The following OXNAD1 variants were observed in gnomAD, a reference collection of about 807,000 sequenced individuals.
The protein encoded by OXNAD1 is oxidoreductase NAD-binding domain-containing protein 1.
A neutral mutation model predicts 32.9 loss-of-function variants in OXNAD1; 34 were observed. That is an observed-to-expected ratio of 1.03 (90% CI 0.79 to 1.38). The LOEUF is 1.38. Ranked by LOEUF, OXNAD1 falls within the 40% of genes most tolerant of loss-of-function variation. The probability of loss-of-function intolerance (pLI) is 0.00; values close to 1 mark genes in which losing one functional copy is unlikely to be tolerated. For synonymous variants in OXNAD1, 134 were observed against 135.2 expected, an observed-to-expected ratio of 0.99 and a Z score of 0.06; for missense variants, 407 against 379.4, an observed-to-expected ratio of 1.07 and a Z score of -0.60.
rs2064924626 is a variant in OXNAD1 at position 16,271,345 on chromosome 3, AG to A, written c.119+276del. ...TAGCCTCCCGAGTAGCTGGGATTAC[AG>A]GCGTGCACCACCACACCTAGCTAAT... is the stretch of plus-strand genomic sequence containing the variant. On this transcript the variant is annotated intron_variant, in intron 3 of 8. Transcript: ENST00000285083. The surrounding 1 kb of genome is among the most constrained non-coding windows in gnomAD (Gnocchi z 4.6). 1.9e-6 allele frequency: 1 copy of A among 531,798 alleles called. No individual in the cohort carries two copies. The highest frequency in any genetic ancestry group is 1.9e-5 in the African/African-American group (1 of 51,472). The allele number at this position is 531,798 out of a possible 1,614,324, so 32.9% of individuals were successfully genotyped here. A position where few individuals can be genotyped will look rare whatever the true frequency, so the allele number is the denominator to read the frequency against.
At chr3:16,310,298 G>A (rs554476980), downstream of OXNAD1, among the ~76,000 whole-genome samples, 1 of 150,728 alleles carries the variant, frequency 6.6e-6, no homozygotes, top group African/African-American at 2.4e-5. Flanking sequence ...TGATTCTCTT[G>A]TTTTTTTTTC....
chr3:16,339,206 CA>C (rs759840630), downstream of OXNAD1: 18 of 152,378 alleles, frequency 1.2e-4, 1 homozygote, highest in Admixed American at 6.5e-4. Flanking sequence ...CATGCTGGAG[CA>C]ATCACAGTTG....
chr3:16,322,336 G>A lies in OXNAD1; in HGVS notation c.*31-14776G>A, dbSNP rs2069160788. On this transcript the variant is annotated intron_variant, in intron 9 of 9. Coordinates refer to the OXNAD1 transcript ENST00000435829. This position sits in a 1 kb window ranked among gnomAD's most constrained non-coding sequence, Gnocchi z 6.2. ...CTCCTTCCACAAGTGGGCTCCCCCT[G>A]GAGTTGTTGGCTGGTGAGGGGCTGC... Among the ~76,000 whole-genome samples the A allele has an allele frequency of 6.6e-6, 1 of 152,214 alleles. No homozygotes were observed.
Position 16,271,173 on chromosome 3 carries a change from C to A in OXNAD1, c.119+102C>A. 1.5e-6 allele frequency: 2 copies of A among 1,365,380 alleles called. No homozygotes were observed. Among genetic ancestry groups the A allele is most frequent in the Non-Finnish European group, 2.0e-6 (2 of 993,546 alleles). The allele number at this position is 1,365,380 out of a possible 1,614,324, so 84.6% of individuals were successfully genotyped here. A position where few individuals can be genotyped will look rare whatever the true frequency, so the allele number is the denominator to read the frequency against. Reference sequence around the variant, plus strand: ...TATCAAACTCCCGGAAAGGTAACACCTTAGCTTCAATGTGCATGCTGTCAG... The same window carrying A: ...TATCAAACTCCCGGAAAGGTAACACATTAGCTTCAATGTGCATGCTGTCAG... On this transcript the variant is annotated intron_variant, in intron 3 of 8. Coordinates refer to ENST00000285083, the MANE Select transcript of OXNAD1 (RefSeq NM_138381.5). This position sits in a 1 kb window ranked among gnomAD's most constrained non-coding sequence, Gnocchi z 4.6.
chr3:16,273,210 A>G (rs924237837), intron 4 of OXNAD1, among the ~76,000 whole-genome samples: 1 of 152,182 alleles, frequency 6.6e-6, no homozygotes, highest in Non-Finnish European at 1.5e-5. Flanking sequence ...AGCATTTACA[A>G]ACAATTAGTA....
In OXNAD1 at chr3:16,342,485, A is replaced by G. The variant is rs941599168; in HGVS notation, c.*31-6691A>G. 1.3e-5 allele frequency among the ~76,000 whole-genome samples: 2 copies of G among 152,230 alleles called. No individual in the cohort carries two copies. The highest frequency in any genetic ancestry group is 1.5e-5 in the Non-Finnish European group (1 of 68,046). ...TTTGGACATTACAAATAAAGCTGCC[A>G]TCAACATTAATGTACATAGGTCTTT... On this transcript the variant is annotated intron_variant, in intron 9 of 9. Coordinates refer to the OXNAD1 transcript ENST00000606098. The surrounding 1 kb of genome is among the most constrained non-coding windows in gnomAD (Gnocchi z 4.0).
Position 16,265,842 on chromosome 3 carries a change from C to T in OXNAD1, c.-159+337C>T. On this transcript the variant is annotated intron_variant, in intron 1 of 8. Coordinates refer to ENST00000285083, the MANE Select transcript of OXNAD1 (RefSeq NM_138381.5). The surrounding 1 kb of genome is among the most constrained non-coding windows in gnomAD (Gnocchi z 4.8). ...GAAGAGCTTGTCTGTCTCCAAAGCC[C>T]AGGAACAAATTACTTATGTGAGTAC... is the stretch of plus-strand genomic sequence containing the variant. The T allele has an allele frequency of 4.1e-6, 4 of 984,416 alleles. No individual in the cohort carries two copies. Among genetic ancestry groups the T allele is most frequent in the Non-Finnish European group, 4.8e-6 (4 of 829,080 alleles). 61.0% of individuals were successfully genotyped at this position (984,416 alleles called of 1,614,324 possible).
rs1169852964 is a variant in OXNAD1 at position 16,322,191 on chromosome 3, G to C, written c.*31-14921G>C. On this transcript the variant is annotated intron_variant, in intron 9 of 9. Transcript: ENST00000435829. This position sits in a 1 kb window ranked among gnomAD's most constrained non-coding sequence, Gnocchi z 6.2. ...GCCTGCTCCTGGTGGTTGATGGTGG[G>C]CTGGCAGTTCCCTTCTGGTCCATTG... Among the ~76,000 whole-genome samples, 1 of 152,198 alleles carries C rather than the reference G, an allele frequency of 6.6e-6. No individual in the cohort carries two copies. Among genetic ancestry groups the C allele is most frequent in the African/African-American group, 2.4e-5 (1 of 41,450 alleles).
At chr3:16,296,984 T>A (rs2066845549) in intron 6 of OXNAD1, among the ~76,000 whole-genome samples, 2 of 152,156 alleles carry the variant, frequency 1.3e-5, no homozygotes, top group African/African-American at 4.8e-5. Context: ...AAAAAAAGGT[T>A]GATGATAGGA....
In OXNAD1 at chr3:16,265,425, CGA is replaced by C; in HGVS notation, c.-238_-237del. 6.5e-6 allele frequency: 1 copy of C among 154,208 alleles called. No individual in the cohort carries two copies. The highest frequency in any genetic ancestry group is 1.5e-5 in the Non-Finnish European group (1 of 68,898). The allele number at this position is 154,208 out of a possible 1,614,324, so 9.6% of individuals were successfully genotyped here. ...CTCGACCTCCCTTCCTGGTGACGGA[CGA>C]ACAGTTCCCGTAGAATTTCGCTTCA... On this transcript the variant is annotated 5_prime_UTR_variant, in exon 1 of 9. Transcript: ENST00000285083. The surrounding 1 kb of genome is among the most constrained non-coding windows in gnomAD (Gnocchi z 4.8).
In OXNAD1 at chr3:16,327,355, C is replaced by G. The variant is rs1288976067; in HGVS notation, c.*31-9757C>G. On this transcript the variant is annotated intron_variant, in intron 9 of 9. Transcript: ENST00000435829. The surrounding 1 kb of genome is among the most constrained non-coding windows in gnomAD (Gnocchi z 4.2). Reference sequence around the variant, plus strand: ...GCACATCCACATGTGTGTGTACACGCAGAAGCTGCTTTGCCTGTGTTATGT... The same window carrying G: ...GCACATCCACATGTGTGTGTACACGGAGAAGCTGCTTTGCCTGTGTTATGT... Among the ~76,000 whole-genome samples, 1 of 152,198 alleles carries G rather than the reference C, an allele frequency of 6.6e-6. No individual in the cohort carries two copies. The highest frequency in any genetic ancestry group is 1.5e-5 in the Non-Finnish European group (1 of 68,040).
downstream of OXNAD1, among the ~76,000 whole-genome samples, chr3:16,307,308 A>G (rs1292836605): frequency 1.3e-5 from 2 of 152,204 alleles, no homozygotes; most frequent in South Asian, 2.1e-4. Flanking sequence ...TTCACACTCA[A>G]TCATGATGGT....
At chr3:16,300,407 G>T (rs1438046008) in intron 6 of OXNAD1, among the ~76,000 whole-genome samples, 1 of 152,244 alleles carries the variant, frequency 6.6e-6, no homozygotes, top group African/African-American at 2.4e-5. Context: ...AAGATGTGTT[G>T]TGTGGGTGAC....
At chr3:16,286,083 A>C (rs55721065) in intron 4 of OXNAD1, among the ~76,000 whole-genome samples, 1,681 of 152,310 alleles carry the variant, frequency 0.011, 26 homozygotes, top group African/African-American at 0.039. Flanking sequence ...TGCCGGTTAA[A>C]AGATCCCTTG....
chr3:16,339,654 T>C (rs904967286), downstream of OXNAD1: 1 of 152,160 alleles, frequency 6.6e-6, no homozygotes, highest in Non-Finnish European at 1.5e-5. Flanking sequence ...CCAATCCTAT[T>C]TGGGGTCCTC....
rs2066222234 is a variant in OXNAD1 at position 16,288,537 on chromosome 3, C to G, written c.290+2089C>G. Among the ~76,000 whole-genome samples, 1 of 152,182 alleles carries G rather than the reference C, an allele frequency of 6.6e-6. No individual in the cohort carries two copies. The highest frequency in any genetic ancestry group is 2.4e-5 in the African/African-American group (1 of 41,450). On this transcript the variant is annotated intron_variant, in intron 5 of 8. Coordinates refer to ENST00000285083, the MANE Select transcript of OXNAD1 (RefSeq NM_138381.5). This position sits in a 1 kb window ranked among gnomAD's most constrained non-coding sequence, Gnocchi z 5.1. ...CAGATCCCCATGTAGACACCTTCAG[C>G]ATAGATCAGATATAGGCCTCAAGGG...
At chr3:16,293,997 A>T (rs1249376547) in intron 5 of OXNAD1, among the ~76,000 whole-genome samples, 1 of 152,112 alleles carries the variant, frequency 6.6e-6, no homozygotes. Flanking sequence ...TATTCCTGGA[A>T]TTTTTGTACC....
In OXNAD1 at chr3:16,271,155, C is replaced by T; in HGVS notation, c.119+84C>T. 1 of 1,499,176 alleles carries T rather than the reference C, an allele frequency of 6.7e-7. No homozygotes were observed. The highest frequency in any genetic ancestry group is 9.1e-7 in the Non-Finnish European group (1 of 1,099,300). 92.9% of individuals were successfully genotyped at this position (1,499,176 alleles called of 1,614,324 possible). A position where few individuals can be genotyped will look rare whatever the true frequency, so the allele number is the denominator to read the frequency against. ...TGATGGTTGTGGGAGGCATATCAAA[C>T]TCCCGGAAAGGTAACACCTTAGCTT... On this transcript the variant is annotated intron_variant, in intron 3 of 8. Transcript: ENST00000285083. The surrounding 1 kb of genome is among the most constrained non-coding windows in gnomAD (Gnocchi z 4.6).
At position 16,280,940 on chromosome 3, in the gene OXNAD1, T is replaced by A. The variant is rs111299586; in HGVS notation, c.184-5402T>A. The stretch of plus-strand genomic sequence containing the variant: ...TTCATTTCCTGCCATGTGTTTTAAC[T>A]TAGGACATGGATAGTTGAGGTTTCA... On this transcript the variant is annotated intron_variant, in intron 4 of 8. Transcript: ENST00000285083. The surrounding 1 kb of genome is among the most constrained non-coding windows in gnomAD (Gnocchi z 4.5). Among the ~76,000 whole-genome samples the A allele has an allele frequency of 5.0e-4, 76 of 152,340 alleles. No homozygotes were observed. Among genetic ancestry groups the A allele is most frequent in the African/African-American group, 1.6e-3 (68 of 41,580 alleles).
Sources: gnomAD v4.1 joint callset for allele counts (sites outside exome capture counted in the v4.1 genomes callset) on GRCh38, gnomAD v4.1.1 for gene constraint, Gnocchi (gnomAD v3.1) non-coding constraint, MANE v1.5 for transcripts, NCBI Gene and HGNC (gene_info 2026-07-23, HGNC 2026-07-21) for gene names.